Variants in FLRT1 observed in about 807,000 individuals in gnomAD.
FLRT1 encodes leucine-rich repeat transmembrane protein FLRT1.
Under a neutral mutation model 30.9 loss-of-function variants are expected in FLRT1, and 14 were observed. That is an observed-to-expected ratio of 0.45 (90% CI 0.30 to 0.71). The LOEUF (loss-of-function observed/expected upper bound fraction) is 0.71. Ranked by LOEUF, FLRT1 falls within the 30% of genes least tolerant of loss-of-function variation. FLRT1 has a pLI of 0.08. For synonymous variants in FLRT1, 368 were observed against 430.4 expected (o/e 0.85, Z 1.80); for missense variants, 737 against 949.2 (o/e 0.78, Z 2.94).
chr11:64,080,725 C>A (rs1944288281), intron 1 of FLRT1, among the ~76,000 whole-genome samples: 1 of 152,204 alleles, frequency 6.6e-6, no homozygotes, highest in African/African-American at 2.4e-5. Flanking sequence ...GGAGGACGTG[C>A]AGAGGGGACA....
rs1944031959 is a variant in FLRT1, at chr11:64,067,751, G to C, written c.-1038+31592G>C. Among the ~76,000 whole-genome samples the C allele has an allele frequency of 6.6e-6, 1 of 152,204 alleles. No individual in the cohort carries two copies. Among genetic ancestry groups the C allele is most frequent in the Admixed American group, 6.5e-5 (1 of 15,290 alleles). ...CACCGCAGGCTGCCACCCCCAGCTTGTGAACTGGGGGTGGCCCCAGAGCTG... is the reference window on the plus strand; with the variant it reads ...CACCGCAGGCTGCCACCCCCAGCTTCTGAACTGGGGGTGGCCCCAGAGCTG... On this transcript the variant is annotated intron_variant, in intron 1 of 2. Transcript: ENST00000682287. This position sits in a 1 kb window ranked among gnomAD's most constrained non-coding sequence, Gnocchi z 4.6.
rs753862841 is a variant in FLRT1, at chr11:64,096,356, C to T, written c.-1037-6838C>T. Among the ~76,000 whole-genome samples, 7 of 152,058 alleles carry T rather than the reference C, an allele frequency of 4.6e-5. No individual in the cohort carries two copies. Among genetic ancestry groups the T allele is most frequent in the East Asian group, 1.9e-4 (1 of 5,184 alleles). On this transcript the variant is annotated intron_variant, in intron 1 of 2. Transcript: ENST00000682287. This position sits in a 1 kb window ranked among gnomAD's most constrained non-coding sequence, Gnocchi z 4.6. ...GGACACGGTCCCTAATGGGCACGGG[C>T]GACGCATTACAGTGAGGTCTGCCAG...
intron 1 of FLRT1, among the ~76,000 whole-genome samples, chr11:64,072,295 C>G (rs978874337): frequency 6.6e-6 from 1 of 152,092 alleles, no homozygotes; most frequent in Non-Finnish European, 1.5e-5. Context: ...AGCCAGGCCC[C>G]AGAACTGTAG....
intron 1 of FLRT1, among the ~76,000 whole-genome samples, chr11:64,066,911 C>T (rs1233214608): frequency 7.9e-5 from 12 of 152,340 alleles, no homozygotes; most frequent in Admixed American, 1.3e-4. Context: ...GCTATAGCTC[C>T]GGAGCCCACG....
intron 1 of FLRT1, among the ~76,000 whole-genome samples, chr11:64,049,015 G>T (rs1943640071): frequency 6.6e-6 from 1 of 152,236 alleles, no homozygotes; most frequent in Non-Finnish European, 1.5e-5. Flanking sequence ...GGTGCCGGCT[G>T]CCTCCTGCCC....
intron 1 of FLRT1, among the ~76,000 whole-genome samples, chr11:64,044,654 G>T (rs968216374): frequency 6.6e-6 from 1 of 152,160 alleles, no homozygotes; most frequent in East Asian, 1.9e-4. Flanking sequence ...GGGGAACCAC[G>T]TTCATTAGGG....
chr11:64,117,678 C>T lies in FLRT1; in HGVS notation c.1411C>T (p.Leu471=), dbSNP rs745527335. The T allele has an allele frequency of 1.9e-6, 3 of 1,613,660 alleles. No homozygotes were observed. Among genetic ancestry groups the T allele is most frequent in the Admixed American group, 1.7e-5 (1 of 60,032 alleles). Residue 471 remains leucine (L), a synonymous_variant, in exon 3 of 3, where the codon CTG becomes TTG. Transcript: ENST00000682287. ...ASSFRLSWLR[L]GHSPAVGSIT... ...CTCTTTCCGGCTCAGTTGGCTGCGC[C>T]TGGGCCACAGCCCAGCCGTGGGCTC... is the stretch of plus-strand genomic sequence containing the variant.
chr11:64,048,819 C>T (rs1022581985), intron 1 of FLRT1, among the ~76,000 whole-genome samples: 1 of 152,180 alleles, frequency 6.6e-6, no homozygotes, highest in Admixed American at 6.5e-5. Context: ...GGCTGCTATC[C>T]CCACCAAGCA....
chr11:64,097,596 GA>G (rs1316481537), intron 1 of FLRT1, among the ~76,000 whole-genome samples: 11 of 152,362 alleles, frequency 7.2e-5, no homozygotes, highest in South Asian at 4.1e-4. Context: ...CAAATACCCT[GA>G]AAGTCTGGGT....
rs1460317054 is a variant in FLRT1 at position 64,119,076 on chromosome 11, T to C, written c.*784T>C. ...CTGTCTATCCCTGTCGCGGTGTCTC[T>C]AAGTACAGATGGGTAGATAGAGCCA... On this transcript the variant is annotated 3_prime_UTR_variant, in exon 3 of 3. Coordinates refer to ENST00000682287, the MANE Select transcript of FLRT1 (RefSeq NM_013280.5). The C allele has an allele frequency of 1.2e-5, 2 of 167,296 alleles. No homozygotes were observed. The highest frequency in any genetic ancestry group is 4.8e-5 in the African/African-American group (2 of 41,476). The allele number at this position is 167,296 out of a possible 1,614,324, so 10.4% of individuals were successfully genotyped here. A position where few individuals can be genotyped will look rare whatever the true frequency, so the allele number is the denominator to read the frequency against.
intron 1 of FLRT1, among the ~76,000 whole-genome samples, chr11:64,101,988 A>AC (rs1234780385): frequency 6.6e-6 from 1 of 151,916 alleles, no homozygotes; most frequent in African/African-American, 2.4e-5. Context: ...GTGGGCAGCC[A>AC]CCCCCCATCT....
At chr11:64,070,632 C>G (rs544658805) in intron 1 of FLRT1, among the ~76,000 whole-genome samples, 5 of 152,336 alleles carry the variant, frequency 3.3e-5, no homozygotes, top group African/African-American at 1.2e-4. Context: ...AGCACCATAA[C>G]TAACACTCGG....
intron 2 of FLRT1, among the ~76,000 whole-genome samples, chr11:64,105,925 T>C (rs1944754898): frequency 7.0e-6 from 1 of 141,968 alleles, no homozygotes; most frequent in Non-Finnish European, 1.5e-5. Context: ...CTTTATCTCA[T>C]GATTCCAGGG....
At chr11:64,106,521 A>G (rs928446427) in intron 2 of FLRT1, among the ~76,000 whole-genome samples, 7 of 152,228 alleles carry the variant, frequency 4.6e-5, no homozygotes, top group Non-Finnish European at 1.0e-4. Context: ...CATGATAAAT[A>G]AATAGGGAGG....
intron 1 of FLRT1, among the ~76,000 whole-genome samples, chr11:64,062,352 G>T (rs556978307): frequency 6.6e-6 from 1 of 152,280 alleles, no homozygotes; most frequent in Admixed American, 6.5e-5. Flanking sequence ...GTCTGTGGCT[G>T]GCTCAGACAT....
chr11:64,070,929 G>C (rs1401208592), intron 1 of FLRT1, among the ~76,000 whole-genome samples: 1 of 152,110 alleles, frequency 6.6e-6, no homozygotes, highest in Non-Finnish European at 1.5e-5. Context: ...ATCTTCTAGG[G>C]GTTGGTTAAG....
At chr11:64,047,695 G>C (rs149819565) in intron 1 of FLRT1, among the ~76,000 whole-genome samples, 2,788 of 152,088 alleles carry the variant, frequency 0.018, 84 homozygotes, top group African/African-American at 0.064. Context: ...TCAGGAGCTC[G>C]AGACCAGCCT....
At chr11:64,104,534 G>A (rs1189591356) in intron 2 of FLRT1, among the ~76,000 whole-genome samples, 1 of 152,182 alleles carries the variant, frequency 6.6e-6, no homozygotes, top group Non-Finnish European at 1.5e-5. Flanking sequence ...CCCTAAAGGT[G>A]GTAGCAGTGA....
chr11:64,102,121 G>T (rs1335624179), intron 1 of FLRT1, among the ~76,000 whole-genome samples: 1 of 152,304 alleles, frequency 6.6e-6, no homozygotes, highest in Middle Eastern at 3.4e-3. Context: ...CCCAGATGCA[G>T]CTGAGCCCAT....
Sources: allele counts gnomAD v4.1 joint callset (sites outside exome capture counted in the v4.1 genomes callset), GRCh38; gene constraint gnomAD v4.1.1; non-coding constraint Gnocchi (gnomAD v3.1); transcripts MANE v1.5; gene names NCBI Gene and HGNC (gene_info 2026-07-23, HGNC 2026-07-21).